The following TWSG1 variants were observed in gnomAD, a reference collection of about 807,000 sequenced individuals.
TWSG1 encodes the protein twisted gastrulation protein homolog 1.
TWSG1 carries 15 observed loss-of-function variants against 23.0 expected under a neutral mutation model. That is an observed-to-expected ratio of 0.65 (90% CI 0.44 to 1.00). The LOEUF (loss-of-function observed/expected upper bound fraction) is 1.00. Ranked by LOEUF, TWSG1 falls within the 50% of genes least tolerant of loss-of-function variation. The pLI, the probability that TWSG1 is intolerant of heterozygous loss-of-function variation, is 0.00. For missense variants in TWSG1, 242 were observed against 278.7 expected (o/e 0.87, Z 0.94); for synonymous variants, 86 against 92.8 (o/e 0.93, Z 0.42).
chr18:9,366,039 C>A (rs1375437192), intron 3 of TWSG1, among the ~76,000 whole-genome samples: 1 of 152,062 alleles, frequency 6.6e-6, no homozygotes, highest in African/African-American at 2.4e-5. Context: ...TAACTTGTGC[C>A]AATAAATAAA....
rs2145596596 is a variant in TWSG1, at chr18:9,348,051, T to C, written c.123+10699T>C. On this transcript the variant is annotated intron_variant, in intron 2 of 4. Coordinates refer to ENST00000262120, the MANE Select transcript of TWSG1 (RefSeq NM_020648.6). ...TTAAGAATGAGGCAATAAAACCTGG[T>C]TGGGAGATCCATGTATTTAGATAGG... 1.3e-5 allele frequency among the ~76,000 whole-genome samples: 2 copies of C among 152,336 alleles called. 1 individual carries two copies. The highest frequency in any genetic ancestry group is 2.9e-5 in the Non-Finnish European group (2 of 68,022).
At chr18:9,390,348 A>G (rs57456386) in intron 3 of TWSG1, among the ~76,000 whole-genome samples, 18,079 of 152,052 alleles carry the variant, frequency 0.12, 1,261 homozygotes, top group Middle Eastern at 0.27. Flanking sequence ...TTTTTAGTAG[A>G]GACGGGGTTT....
At chr18:9,353,396 A>AT (rs2040510651) in intron 2 of TWSG1, among the ~76,000 whole-genome samples, 1 of 152,172 alleles carries the variant, frequency 6.6e-6, no homozygotes, top group African/African-American at 2.4e-5. Context: ...GAATGATTAG[A>AT]TTTTTCCCTC....
Position 9,370,649 on chromosome 18 carries a change from G to A in TWSG1, c.223+10578G>A, listed in dbSNP as rs373618061. On this transcript the variant is annotated intron_variant, in intron 3 of 4. Coordinates refer to ENST00000262120, the MANE Select transcript of TWSG1 (RefSeq NM_020648.6). ...AGCTGATGCATTGATTCAGAAAACC[G>A]ACTAAAAAAGAAAACTGAATGTAAT... Among the ~76,000 whole-genome samples, 28 of 152,120 alleles carry A rather than the reference G, an allele frequency of 1.8e-4. 1 individual carries two copies. Among genetic ancestry groups the A allele is most frequent in the Middle Eastern group, 3.4e-3 (1 of 294 alleles).
At chr18:9,380,425 C>T (rs1179734137) in intron 3 of TWSG1, among the ~76,000 whole-genome samples, 1 of 152,160 alleles carries the variant, frequency 6.6e-6, no homozygotes, top group Non-Finnish European at 1.5e-5. Context: ...AGATGTTATA[C>T]ATTATTCAGC....
chr18:9,337,967 T>C (rs1402869244), intron 2 of TWSG1, among the ~76,000 whole-genome samples: 1 of 152,200 alleles, frequency 6.6e-6, no homozygotes, highest in African/African-American at 2.4e-5. Flanking sequence ...GGCAGGCCTC[T>C]TAATGTAGCC....
At chr18:9,372,006 C>G (rs936129695) in intron 3 of TWSG1, among the ~76,000 whole-genome samples, 3 of 152,048 alleles carry the variant, frequency 2.0e-5, no homozygotes, top group Admixed American at 6.6e-5. Context: ...ACCTCATGAT[C>G]CGCCCTCCTT....
At chr18:9,355,134 T>C (rs2040519741) in intron 2 of TWSG1, among the ~76,000 whole-genome samples, 1 of 152,144 alleles carries the variant, frequency 6.6e-6, no homozygotes, top group South Asian at 2.1e-4. Context: ...TTTTTGTATT[T>C]TTTGGTAGAG....
intron 2 of TWSG1, among the ~76,000 whole-genome samples, chr18:9,354,112 T>G (rs1193568276): frequency 6.6e-6 from 1 of 152,250 alleles, no homozygotes; most frequent in Non-Finnish European, 1.5e-5. Context: ...AAATAACTTT[T>G]ATATTTCTCA....
intron 4 of TWSG1, among the ~76,000 whole-genome samples, chr18:9,398,000 A>T (rs1005009100): frequency 9.9e-6 from 1 of 100,510 alleles, no homozygotes; most frequent in African/African-American, 4.8e-5. Context: ...GCAAAACTCC[A>T]TCTCAAAAAA....
chr18:9,349,915 G>A (rs971543524), intron 2 of TWSG1, among the ~76,000 whole-genome samples: 8 of 152,196 alleles, frequency 5.3e-5, no homozygotes, highest in African/African-American at 1.9e-4. Flanking sequence ...GCTGAGGCGG[G>A]CAGGTCACAA....
intron 2 of TWSG1, among the ~76,000 whole-genome samples, chr18:9,354,300 G>A (rs1333163386): frequency 6.6e-6 from 1 of 152,104 alleles, no homozygotes; most frequent in Admixed American, 6.6e-5. Context: ...GCCTATAAGG[G>A]TTAAATAGAA....
Position 9,340,367 on chromosome 18 carries a change from CAAAAAAAAA to C in TWSG1, c.123+3030_123+3038del, listed in dbSNP as rs775837207. ...TGGGCGACAGAGCAAGACTCCATTT[CAAAAAAAAA>C]AAAAAAAAAAAAAAGAAAAGATCTA... On this transcript the variant is annotated intron_variant, in intron 2 of 4. Transcript: ENST00000262120. 1.8e-3 allele frequency among the ~76,000 whole-genome samples: 123 copies of C among 67,108 alleles called. 1 individual carries two copies. Among genetic ancestry groups the C allele is most frequent in the Non-Finnish European group, 1.7e-3 (64 of 36,632 alleles). The allele number at this position is 67,108 out of a possible 152,430, so 44.0% of individuals were successfully genotyped here.
At chr18:9,376,823 C>T (rs1162584763) in intron 3 of TWSG1, among the ~76,000 whole-genome samples, 3 of 142,940 alleles carry the variant, frequency 2.1e-5, no homozygotes, top group Admixed American at 7.1e-5. Flanking sequence ...CAGAGCAAAA[C>T]CCTGTCTCCA....
intron 2 of TWSG1, among the ~76,000 whole-genome samples, chr18:9,339,158 T>C (rs1322276768): frequency 6.6e-6 from 1 of 151,872 alleles, no homozygotes; most frequent in African/African-American, 2.4e-5. Flanking sequence ...TGAGCTATGA[T>C]TGTGCCACTG....
chr18:9,354,185 G>C (rs1303622053), intron 2 of TWSG1, among the ~76,000 whole-genome samples: 2 of 152,108 alleles, frequency 1.3e-5, no homozygotes, highest in African/African-American at 4.8e-5. Context: ...GCCACTAATT[G>C]AATGAAGTTG....
In TWSG1 at chr18:9,375,166, CAAA is replaced by C. The variant is rs34522798; in HGVS notation, c.223+15114_223+15116del. On this transcript the variant is annotated intron_variant, in intron 3 of 4. Transcript: ENST00000262120. ...TGGGTGACAGAGCGATACTCCGTCT[CAAA>C]AAAAAAAAAAAAAAAAAATCAAGCA... is the stretch of plus-strand genomic sequence containing the variant. Among the ~76,000 whole-genome samples, 669 of 89,740 alleles carry C rather than the reference CAAA, an allele frequency of 7.5e-3. 4 individuals carry two copies. The highest frequency in any genetic ancestry group is 0.028 in the African/African-American group (640 of 23,136). 58.9% of individuals were successfully genotyped at this position (89,740 alleles called of 152,430 possible).
intron 2 of TWSG1, 48 bp from the exon 3 acceptor site, chr18:9,359,924 A>G (rs905136513): frequency 6.7e-7 from 1 of 1,500,554 alleles, no homozygotes; most frequent in African/African-American, 1.4e-5. Flanking sequence ...TAGCAGTTTT[A>G]TATATGATTA....
At chr18:9,369,823 G>A (rs1399017835) in intron 3 of TWSG1, among the ~76,000 whole-genome samples, 3 of 152,280 alleles carry the variant, frequency 2.0e-5, no homozygotes, top group East Asian at 1.9e-4. Context: ...GAGCCACCAT[G>A]CCCAGCCCCC....
Sources: allele counts gnomAD v4.1 joint callset (sites outside exome capture counted in the v4.1 genomes callset), GRCh38; gene constraint gnomAD v4.1.1; transcripts MANE v1.5; gene names NCBI Gene and HGNC (gene_info 2026-07-23, HGNC 2026-07-21).